Variants in EXOC6 observed in about 807,000 individuals in gnomAD.
The protein encoded by EXOC6 is exocyst complex component 6, also known as SEC15-like 1.
EXOC6 carries 60 observed loss-of-function variants against 112.5 expected under a neutral mutation model. The ratio of observed to expected loss-of-function variants is 0.53; its 90% CI spans 0.43 to 0.66. The LOEUF is 0.66. EXOC6 is among the 30% of genes least tolerant of loss of function. The probability of loss-of-function intolerance (pLI) is 0.00; values close to 1 mark genes in which losing one functional copy is unlikely to be tolerated. For synonymous variants in EXOC6, 295 were observed against 308.0 expected (o/e 0.96, Z 0.44); for missense variants, 855 against 957.1 (o/e 0.89, Z 1.41).
chr10:92,913,554 A>G (rs753441077), intron 6 of EXOC6, among the ~76,000 whole-genome samples: 1 of 152,182 alleles, frequency 6.6e-6, no homozygotes, highest in African/African-American at 2.4e-5. Flanking sequence ...AAGAATGTCC[A>G]TTCTTTCACA....
At chr10:93,020,765 A>G (rs536296184) in intron 20 of EXOC6, among the ~76,000 whole-genome samples, 2 of 152,152 alleles carry the variant, frequency 1.3e-5, no homozygotes, top group African/African-American at 2.4e-5. Flanking sequence ...AGACAGGGAA[A>G]TGTTGGGGCT....
chr10:92,851,296 TG>T (rs1039342514), intron 1 of EXOC6, among the ~76,000 whole-genome samples: 77 of 152,272 alleles, frequency 5.1e-4, no homozygotes, highest in African/African-American at 1.7e-3. Flanking sequence ...ACTGGTTCTT[TG>T]AGGAGACTGT....
chr10:92,897,002 G>T (rs1219117117), intron 4 of EXOC6, among the ~76,000 whole-genome samples: 1 of 152,176 alleles, frequency 6.6e-6, no homozygotes, highest in Non-Finnish European at 1.5e-5. Context: ...TCAGGGTTGA[G>T]AAACCTATTT....
intron 1 of EXOC6, among the ~76,000 whole-genome samples, chr10:92,862,332 C>CA (rs35909309): frequency 0.39 from 58,566 of 149,588 alleles, 11,629 homozygotes; most frequent in Middle Eastern, 0.49. Context: ...AGTTTCATGC[C>CA]CCCCCCCCAT....
chr10:93,052,609 CT>C (rs1399349510), intron 20 of EXOC6, among the ~76,000 whole-genome samples: 2 of 152,172 alleles, frequency 1.3e-5, no homozygotes, highest in Admixed American at 1.3e-4. Flanking sequence ...TTCAGATAAT[CT>C]TACAAATCAT....
chr10:92,834,624 C>CA (rs1440622119), upstream of EXOC6: 1 of 821,870 alleles, frequency 1.2e-6, no homozygotes, highest in African/African-American at 1.7e-5. Flanking sequence ...TTTGGGTGAA[C>CA]AGAGAATCCT....
At chr10:92,960,083 A>C (rs1031853126) in intron 17 of EXOC6, among the ~76,000 whole-genome samples, 12 of 152,246 alleles carry the variant, frequency 7.9e-5, no homozygotes, top group African/African-American at 2.2e-4. Flanking sequence ...AGCTTTATTC[A>C]TAATTGCCCA....
At chr10:92,876,298 C>T (rs1848684604) in intron 1 of EXOC6, among the ~76,000 whole-genome samples, 1 of 152,096 alleles carries the variant, frequency 6.6e-6, no homozygotes, top group Non-Finnish European at 1.5e-5. Context: ...TAGCTAACAT[C>T]TATTGAACAT....
intron 14 of EXOC6, among the ~76,000 whole-genome samples, chr10:92,951,368 A>T (rs1853402478): frequency 6.6e-6 from 1 of 152,178 alleles, no homozygotes. Context: ...CTAGAGGAAA[A>T]GAAATAGAGT....
chr10:92,936,128 A>G, intron 12 of EXOC6, among the ~76,000 whole-genome samples: 1 of 152,230 alleles, frequency 6.6e-6, no homozygotes, highest in East Asian at 1.9e-4. Flanking sequence ...CAGTTAGAAT[A>G]AAGTATTTTT....
intron 20 of EXOC6, among the ~76,000 whole-genome samples, chr10:93,027,711 T>C (rs1344783938): frequency 1.3e-5 from 2 of 152,228 alleles, no homozygotes; most frequent in Non-Finnish European, 2.9e-5. Flanking sequence ...AGTGCACTGT[T>C]GAGACCTCCT....
intron 18 of EXOC6, among the ~76,000 whole-genome samples, chr10:92,982,637 A>C (rs1444302700): frequency 2.0e-5 from 3 of 152,226 alleles, no homozygotes; most frequent in Admixed American, 2.0e-4. Context: ...GTATATGCTC[A>C]ATAATAAGAT....
chr10:92,828,198 C>T (rs1011189686), intron 1 of EXOC6, among the ~76,000 whole-genome samples: 9 of 152,138 alleles, frequency 5.9e-5, no homozygotes, highest in African/African-American at 1.9e-4. Context: ...CCAATCTTTA[C>T]GTCTTTTATT....
chr10:92,913,839 G>C (rs1271650461), intron 6 of EXOC6, among the ~76,000 whole-genome samples: 2 of 152,172 alleles, frequency 1.3e-5, no homozygotes, highest in African/African-American at 4.8e-5. Flanking sequence ...CACAAAAAAA[G>C]TTATTTTTGA....
intron 18 of EXOC6, among the ~76,000 whole-genome samples, chr10:92,992,619 T>C (rs917370869): frequency 1.3e-5 from 2 of 152,126 alleles, no homozygotes; most frequent in Admixed American, 6.5e-5. Flanking sequence ...GTGGTTCTTA[T>C]ATAAAATGGA....
intron 19 of EXOC6, among the ~76,000 whole-genome samples, chr10:93,001,338 T>G (rs1590014391): frequency 2.6e-5 from 4 of 152,352 alleles, no homozygotes; most frequent in African/African-American, 7.2e-5. Context: ...ACCTGCCAAG[T>G]AATTGTCCAG....
At chr10:92,981,051 CTG>C (rs767011496) in intron 18 of EXOC6, among the ~76,000 whole-genome samples, 2 of 152,136 alleles carry the variant, frequency 1.3e-5, no homozygotes, top group Non-Finnish European at 2.9e-5. Flanking sequence ...AAAATCATCA[CTG>C]TTAACATTTT....
At chr10:92,943,039 T>G (rs1337596856) in intron 13 of EXOC6, among the ~76,000 whole-genome samples, 3 of 151,670 alleles carry the variant, frequency 2.0e-5, no homozygotes, top group Admixed American at 6.6e-5. Flanking sequence ...TTTTTTTTTT[T>G]GAGACGGAGT....
chr10:92,837,603 C>T (rs565737086), intron 1 of EXOC6, among the ~76,000 whole-genome samples: 8 of 152,294 alleles, frequency 5.3e-5, no homozygotes, highest in South Asian at 2.1e-4. Flanking sequence ...GTCAAGACTG[C>T]GGCGAGCTGT....
Sources: allele counts gnomAD v4.1 joint callset (sites outside exome capture counted in the v4.1 genomes callset), GRCh38; gene constraint gnomAD v4.1.1; transcripts MANE v1.5; gene names NCBI Gene and HGNC (gene_info 2026-07-23, HGNC 2026-07-21).